The following FBXL2 variants were observed in gnomAD, a reference collection of about 807,000 sequenced individuals.
FBXL2 encodes the protein F-box and leucine rich repeat protein 2.
A neutral mutation model predicts 69.2 loss-of-function variants in FBXL2; 38 were observed. The observed-to-expected ratio is 0.55, with a 90% CI of 0.42 to 0.72. The LOEUF (loss-of-function observed/expected upper bound fraction) is 0.72, where lower values mean the gene tolerates loss of function less well. FBXL2 is among the 30% of genes least tolerant of loss of function. The probability of loss-of-function intolerance (pLI) is 0.00; values close to 1 mark genes in which losing one functional copy is unlikely to be tolerated. For synonymous variants in FBXL2, 192 were observed against 201.3 expected (o/e 0.95, Z 0.39); for missense variants, 354 against 520.3 (o/e 0.68, Z 3.11).
intron 2 of FBXL2, among the ~76,000 whole-genome samples, chr3:33,350,758 A>T (rs901104691): frequency 6.6e-6 from 1 of 152,046 alleles, no homozygotes; most frequent in Admixed American, 6.6e-5. Flanking sequence ...AATGATGAGA[A>T]ACTAGATGCT....
intron 4 of FBXL2, among the ~76,000 whole-genome samples, chr3:33,360,217 T>G (rs924728850): frequency 8.6e-5 from 13 of 151,388 alleles, no homozygotes; most frequent in African/African-American, 1.9e-4. Flanking sequence ...TATATATTGG[T>G]TTTTTTTTGT....
chr3:33,320,104 G>A (rs962266697), intron 2 of FBXL2, among the ~76,000 whole-genome samples: 1 of 152,094 alleles, frequency 6.6e-6, no homozygotes, highest in African/African-American at 2.4e-5. Context: ...AATTTTGGGG[G>A]GGACATTTAA....
At chr3:33,396,319 A>C in intron 12 of FBXL2, 1 of 1,483,694 alleles carries the variant, frequency 6.7e-7, no homozygotes, top group Non-Finnish European at 9.3e-7. Context: ...CTGGGAGAGA[A>C]AGCTGCCTTA....
chr3:33,408,458 A>C (rs1359724791), downstream of FBXL2, among the ~76,000 whole-genome samples: 1 of 152,156 alleles, frequency 6.6e-6, no homozygotes, highest in African/African-American at 2.4e-5. Flanking sequence ...TTTTCCCTCC[A>C]AAACCACCCA....
At chr3:33,367,152 A>G (rs1044738130) in intron 5 of FBXL2, among the ~76,000 whole-genome samples, 1 of 151,574 alleles carries the variant, frequency 6.6e-6, no homozygotes, top group Non-Finnish European at 1.5e-5. Flanking sequence ...CTGGAGTGCA[A>G]TGGCACAGTC....
intron 1 of FBXL2, among the ~76,000 whole-genome samples, chr3:33,293,889 A>G (rs1176652493): frequency 6.6e-6 from 1 of 152,232 alleles, no homozygotes; most frequent in East Asian, 1.9e-4. Flanking sequence ...AGAGTTATGT[A>G]GAACACTTAA....
At chr3:33,407,087 T>C (rs1331683576), downstream of FBXL2, among the ~76,000 whole-genome samples, 1 of 152,226 alleles carries the variant, frequency 6.6e-6, no homozygotes, top group East Asian at 1.9e-4. Flanking sequence ...AACTTTCCTT[T>C]TTAAGTGACA....
At chr3:33,395,152 T>C (rs866239161) in intron 12 of FBXL2, among the ~76,000 whole-genome samples, 14 of 152,336 alleles carry the variant, frequency 9.2e-5, no homozygotes, top group Middle Eastern at 3.4e-3. Context: ...CTTTAAGAAT[T>C]TGTATACTTA....
At chr3:33,351,981 A>AT (rs2040857625) in intron 2 of FBXL2, among the ~76,000 whole-genome samples, 1 of 149,738 alleles carries the variant, frequency 6.7e-6, no homozygotes, top group Admixed American at 6.6e-5. Flanking sequence ...AAAAAAAAAA[A>AT]GTTAATATGG....
chr3:33,413,464 G>A, the FBXL2 span, among the ~76,000 whole-genome samples: 1 of 149,572 alleles, frequency 6.7e-6, no homozygotes, highest in Non-Finnish European at 1.5e-5. Flanking sequence ...GAAGAATGGT[G>A]TGAACCCGGG....
the FBXL2 span, among the ~76,000 whole-genome samples, chr3:33,421,441 TTTG>T: frequency 6.6e-6 from 1 of 152,082 alleles, no homozygotes; most frequent in African/African-American, 2.4e-5. Context: ...CTCAGCTACT[TTTG>T]TATTTTCAGT....
At chr3:33,352,871 G>A (rs1023511324) in intron 2 of FBXL2, among the ~76,000 whole-genome samples, 1 of 151,064 alleles carries the variant, frequency 6.6e-6, no homozygotes, top group Non-Finnish European at 1.5e-5. Flanking sequence ...CTCCAGCCTG[G>A]GCAACACAGT....
Position 33,376,804 on chromosome 3 carries a change from C to T in FBXL2, c.789-469C>T, listed in dbSNP as rs181924487. ...TTACCTGAGGTCAGGAGTTTGAGAC[C>T]AGCCTGGCCAAGATGATGAAATCCC... On this transcript the variant is annotated intron_variant, in intron 10 of 14. Transcript: ENST00000484457. 3.6e-4 allele frequency among the ~76,000 whole-genome samples: 55 copies of T among 152,058 alleles called. No individual in the cohort carries two copies. The East Asian group carries it at 9.7e-3, about 27-fold the overall frequency.
At position 33,366,575 on chromosome 3, in the gene FBXL2, G is replaced by T. The variant is rs1305842242; in HGVS notation, c.290+1856G>T. Among the ~76,000 whole-genome samples, 3 of 152,046 alleles carry T rather than the reference G, an allele frequency of 2.0e-5. No individual in the cohort carries two copies. In the East Asian group the frequency reaches 5.8e-4, roughly 29 times the overall value. ...GCTATTTGGGAGGCTAAAGTGGGAA[G>T]ATCACTTGAGCCCAGGAGTTCAAGG... is the stretch of plus-strand genomic sequence containing the variant. On this transcript the variant is annotated intron_variant, in intron 5 of 14. Transcript: ENST00000484457.
At chr3:33,393,462 TAAAA>T (rs754581679) in intron 12 of FBXL2, 19 of 1,346,388 alleles carry the variant, frequency 1.4e-5, no homozygotes, top group Non-Finnish European at 2.0e-6. Flanking sequence ...AAACTGAAAT[TAAAA>T]AAAAAAAAAG....
chr3:33,369,952 A>G (rs549220508), intron 5 of FBXL2, among the ~76,000 whole-genome samples: 96 of 152,262 alleles, frequency 6.3e-4, no homozygotes, highest in African/African-American at 2.1e-3. Flanking sequence ...GTATACACCC[A>G]AGTAGTTGCT....
intron 2 of FBXL2, among the ~76,000 whole-genome samples, chr3:33,329,314 G>A (rs1312097495): frequency 6.6e-6 from 1 of 151,144 alleles, no homozygotes; most frequent in Non-Finnish European, 1.5e-5. Context: ...TACACTGTTG[G>A]TGAGAATGTA....
intron 5 of FBXL2, among the ~76,000 whole-genome samples, chr3:33,370,618 TCTCTCTCTCTTC>T (rs1243071507): frequency 1.3e-5 from 2 of 152,028 alleles, no homozygotes; most frequent in Non-Finnish European, 2.9e-5. Flanking sequence ...CTGGTTTCTC[TCTCTCTCTCTTC>T]CTCTCTCTGG....
In FBXL2 at chr3:33,394,305, CA is replaced by C. The variant is rs1325419644; in HGVS notation, n.1214+8580del. Among the ~76,000 whole-genome samples, 10 of 151,912 alleles carry C rather than the reference CA, an allele frequency of 6.6e-5. No individual in the cohort carries two copies. In the East Asian group the frequency reaches 1.7e-3, roughly 26 times the overall value. On this transcript the variant is annotated intron_variant and non_coding_transcript_variant, in intron 12 of 12. Coordinates refer to the FBXL2 transcript ENST00000463736. The stretch of plus-strand genomic sequence containing the variant: ...ACGCAGTCTGCCCAGTTAGGCCTCC[CA>C]AAGTGCTGGGATTACAGGCGTGAGC...
Sources: gnomAD v4.1 joint callset for allele counts (sites outside exome capture counted in the v4.1 genomes callset) on GRCh38, gnomAD v4.1.1 for gene constraint, MANE v1.5 for transcripts, NCBI Gene and HGNC (gene_info 2026-07-23, HGNC 2026-07-21) for gene names.